Variants in FOXK2 observed in about 807,000 individuals in gnomAD.
The protein encoded by FOXK2 is forkhead box K2.
Under a neutral mutation model 53.3 loss-of-function variants are expected in FOXK2, and 24 were observed. The observed-to-expected ratio is 0.45, with a 90% CI of 0.33 to 0.63. The LOEUF is 0.63. Ranked by LOEUF, FOXK2 falls within the 30% of genes least tolerant of loss-of-function variation. The probability of loss-of-function intolerance (pLI) is 0.03; values close to 1 mark genes in which losing one functional copy is unlikely to be tolerated. For missense variants in FOXK2, 952 were observed against 910.5 expected (o/e 1.05, Z -0.59); for synonymous variants, 505 against 407.1 (o/e 1.24, Z -2.89).
At chr17:82,557,326 C>T (rs28753220) in intron 1 of FOXK2, among the ~76,000 whole-genome samples, 25,268 of 151,384 alleles carry the variant, frequency 0.17, 2,613 homozygotes, top group East Asian at 0.39. Flanking sequence ...GCCACCGTGC[C>T]TGGCCTATTT....
chr17:82,598,353 T>C (rs1053370478), intron 8 of FOXK2, among the ~76,000 whole-genome samples: 19 of 152,170 alleles, frequency 1.2e-4, no homozygotes, highest in Admixed American at 2.0e-4. Flanking sequence ...CCTCAGCCTC[T>C]CTTGGGGTTG....
intron 4 of FOXK2, among the ~76,000 whole-genome samples, chr17:82,573,149 C>G (rs564599482): frequency 1.3e-5 from 2 of 151,950 alleles, no homozygotes; most frequent in Non-Finnish European, 2.9e-5. Context: ...TCTGTGATCA[C>G]ACCACTGCAC....
chr17:82,567,842 C>T (rs980926448), intron 2 of FOXK2, among the ~76,000 whole-genome samples: 1 of 152,038 alleles, frequency 6.6e-6, no homozygotes, highest in African/African-American at 2.4e-5. Flanking sequence ...ACCCTATTTC[C>T]ACATTGCTTC....
At chr17:82,553,719 TCGGCTAAGCTCCAGGGA>T (rs1424126330) in intron 1 of FOXK2, among the ~76,000 whole-genome samples, 1 of 152,188 alleles carries the variant, frequency 6.6e-6, no homozygotes, top group Non-Finnish European at 1.5e-5. Flanking sequence ...ACCACTAGAA[TCGGCTAAGCTCCAGGGA>T]CACAGCAGTT....
intron 4 of FOXK2, chr17:82,576,732 G>A (rs1383295928): frequency 1.8e-5 from 15 of 830,426 alleles, no homozygotes; most frequent in African/African-American, 3.4e-5. Flanking sequence ...GTCCAAAACC[G>A]TGAACGTAGC....
intron 1 of FOXK2, among the ~76,000 whole-genome samples, chr17:82,527,984 C>G (rs1163688319): frequency 6.6e-6 from 1 of 151,784 alleles, no homozygotes; most frequent in Non-Finnish European, 1.5e-5. Flanking sequence ...TTTTTTTGGA[C>G]GTGGGGTCTC....
intron 8 of FOXK2, among the ~76,000 whole-genome samples, chr17:82,591,733 AC>A (rs2045254694): frequency 6.6e-6 from 1 of 151,958 alleles, no homozygotes. Context: ...GTGTACAAGC[AC>A]CCTCAGAGCT....
At chr17:82,593,180 CAGTGAAGGT>C (rs2045271340) in intron 8 of FOXK2, among the ~76,000 whole-genome samples, 40 of 151,350 alleles carry the variant, frequency 2.6e-4, no homozygotes, top group South Asian at 4.2e-4. Context: ...AAAGCAGACC[CAGTGAAGGT>C]CTCCCTGTGC....
At chr17:82,538,935 G>T (rs924146694) in intron 1 of FOXK2, among the ~76,000 whole-genome samples, 4 of 152,206 alleles carry the variant, frequency 2.6e-5, no homozygotes, top group African/African-American at 9.6e-5. Context: ...TCAGAATTTT[G>T]ATTCTTCTTC....
chr17:82,538,601 C>G (rs1422821979), intron 1 of FOXK2, among the ~76,000 whole-genome samples: 1 of 152,260 alleles, frequency 6.6e-6, no homozygotes, highest in African/African-American at 2.4e-5. Flanking sequence ...ACAGTCCCCA[C>G]AGGAGCCGCA....
intron 8 of FOXK2, 91 bp from the exon 9 acceptor site, chr17:82,601,212 G>C: frequency 1.5e-6 from 2 of 1,364,708 alleles, no homozygotes; most frequent in Non-Finnish European, 2.0e-6. Flanking sequence ...GTGGGGTTCT[G>C]ACTCGCGAGG....
intron 1 of FOXK2, among the ~76,000 whole-genome samples, chr17:82,547,144 C>G (rs1204285106): frequency 1.3e-5 from 2 of 151,702 alleles, no homozygotes; most frequent in South Asian, 2.1e-4. Context: ...TGTATACTGT[C>G]TATTACTACT....
At chr17:82,579,125 C>T (rs2045026586) in intron 4 of FOXK2, among the ~76,000 whole-genome samples, 1 of 152,198 alleles carries the variant, frequency 6.6e-6, no homozygotes, top group African/African-American at 2.4e-5. Flanking sequence ...CCTTCTCAGG[C>T]AGTGGCTGGG....
chr17:82,586,011 T>C lies in FOXK2; in HGVS notation c.1387T>C (p.Ser463Pro), dbSNP rs113527231. ...TVATPVTTSTSQPPVVQTVHV... is the reference protein window; with the variant it reads ...TVATPVTTSTPQPPVVQTVHV... ...GGCCACCCCAGTGACCACCTCGACC[T>C]CCCAGCCACCCGTCGTGCAGACGGT... The change falls in exon 7 of 9, where the codon TCC becomes CCC. Residue 463 changes from serine to proline, a missense_variant. Around this residue, in one of 5 missense-constraint regions of FOXK2, gnomAD observed 551 missense variants for 385.1 expected, o/e 1.43. Coordinates refer to ENST00000335255, the MANE Select transcript of FOXK2 (RefSeq NM_004514.4). 1.4e-5 allele frequency: 23 copies of C among 1,612,702 alleles called. No individual in the cohort carries two copies. Among genetic ancestry groups the C allele is most frequent in the Non-Finnish European group, 1.9e-5 (23 of 1,179,948 alleles).
chr17:82,557,031 A>T (rs866678919), intron 1 of FOXK2, among the ~76,000 whole-genome samples: 27 of 124,724 alleles, frequency 2.2e-4, no homozygotes, highest in African/African-American at 7.2e-4. Flanking sequence ...TATTATTATT[A>T]TTTTTTATTT....
intron 1 of FOXK2, among the ~76,000 whole-genome samples, chr17:82,536,685 G>C (rs1461838601): frequency 8.5e-5 from 13 of 152,184 alleles, no homozygotes; most frequent in Admixed American, 7.9e-4. Flanking sequence ...AAGCAAGCTC[G>C]AGGCCGAGGA....
chr17:82,564,635 C>T (rs1175768949), intron 2 of FOXK2, among the ~76,000 whole-genome samples: 1 of 151,426 alleles, frequency 6.6e-6, no homozygotes, highest in Non-Finnish European at 1.5e-5. Context: ...GAGCCCACAG[C>T]CTGAAGAACC....
intron 1 of FOXK2, among the ~76,000 whole-genome samples, chr17:82,534,385 A>G (rs942448276): frequency 5.3e-5 from 8 of 152,220 alleles, no homozygotes; most frequent in African/African-American, 1.9e-4. Flanking sequence ...ACTGCTTGAT[A>G]GTTGTTGCGG....
At chr17:82,574,305 G>A (rs1214660351) in intron 4 of FOXK2, among the ~76,000 whole-genome samples, 1 of 151,096 alleles carries the variant, frequency 6.6e-6, no homozygotes, top group East Asian at 2.0e-4. Flanking sequence ...CCTAGTTCAT[G>A]GACATTACTC....
Sources: gnomAD v4.1 joint callset for allele counts (sites outside exome capture counted in the v4.1 genomes callset) on GRCh38, gnomAD v4.1.1 for gene constraint, gnomAD v4.1.1 regional missense constraint, MANE v1.5 for transcripts, NCBI Gene and HGNC (gene_info 2026-07-23, HGNC 2026-07-21) for gene names.